Variants in TRPM3 observed in about 807,000 individuals in gnomAD.
TRPM3 encodes long transient receptor potential channel 3.
Under a neutral mutation model 181.2 loss-of-function variants are expected in TRPM3, and 77 were observed. The ratio of observed to expected loss-of-function variants is 0.42; its 90% CI spans 0.35 to 0.51. The LOEUF is 0.51. TRPM3 is among the 20% of genes least tolerant of loss of function. The probability of loss-of-function intolerance (pLI) is 0.01; values close to 1 mark genes in which losing one functional copy is unlikely to be tolerated. For missense variants in TRPM3, 1,759 were observed against 2,196.7 expected, an observed-to-expected ratio of 0.80 and a Z score of 3.98; for synonymous variants, 745 against 796.4, an observed-to-expected ratio of 0.94 and a Z score of 1.09.
intron 1 of TRPM3, among the ~76,000 whole-genome samples, chr9:71,373,402 G>A (rs2092581555): frequency 6.6e-6 from 1 of 151,638 alleles, no homozygotes; most frequent in Non-Finnish European, 1.5e-5. Context: ...AAGAACATGA[G>A]AGAGAAGAAT....
intron 1 of TRPM3, among the ~76,000 whole-genome samples, chr9:70,889,053 G>C (rs901239007): frequency 6.6e-6 from 1 of 152,120 alleles, no homozygotes; most frequent in Non-Finnish European, 1.5e-5. Context: ...ACTAGAGAAT[G>C]TTCAAAGCTC....
At chr9:71,267,239 C>T (rs547338830) in intron 1 of TRPM3, among the ~76,000 whole-genome samples, 2 of 152,244 alleles carry the variant, frequency 1.3e-5, no homozygotes, top group East Asian at 1.9e-4. Context: ...AGTTAACACC[C>T]ACCTCTACCA....
intron 1 of TRPM3, among the ~76,000 whole-genome samples, chr9:71,391,349 A>G (rs2093057532): frequency 6.6e-6 from 1 of 152,016 alleles, no homozygotes; most frequent in Admixed American, 6.6e-5. Context: ...AGTCCATGAT[A>G]ATACTCAAGC....
chr9:71,175,621 G>A (rs1333555577), intron 1 of TRPM3, among the ~76,000 whole-genome samples: 1 of 152,194 alleles, frequency 6.6e-6, no homozygotes, highest in Non-Finnish European at 1.5e-5. Context: ...ATTGATCAGA[G>A]CTAGTTTCCA....
intron 1 of TRPM3, among the ~76,000 whole-genome samples, chr9:71,387,028 C>T (rs190457113): frequency 9.2e-5 from 14 of 152,042 alleles, no homozygotes; most frequent in Non-Finnish European, 1.9e-4. Flanking sequence ...GGTTCTTACA[C>T]TTATTAGATA....
At chr9:70,542,743 G>A (rs1398662519) in intron 25 of TRPM3, among the ~76,000 whole-genome samples, 1 of 152,176 alleles carries the variant, frequency 6.6e-6, no homozygotes, top group African/African-American at 2.4e-5. Flanking sequence ...CTAAATTTCA[G>A]ACATTCCCTG....
chr9:71,169,858 G>A (rs543477285), intron 1 of TRPM3, among the ~76,000 whole-genome samples: 23 of 150,576 alleles, frequency 1.5e-4, no homozygotes, highest in Admixed American at 4.0e-4. Flanking sequence ...AAAATTAGCC[G>A]GGCATGGTGG....
At chr9:71,140,799 A>C (rs1461511057) in intron 1 of TRPM3, among the ~76,000 whole-genome samples, 1 of 152,186 alleles carries the variant, frequency 6.6e-6, no homozygotes, top group African/African-American at 2.4e-5. Flanking sequence ...CCATATAGTA[A>C]TATACTTTAT....
chr9:70,862,825 A>G, intron 3 of TRPM3, 83 bp downstream of exon 3: 1 of 1,426,520 alleles, frequency 7.0e-7, no homozygotes, highest in Non-Finnish European at 9.8e-7. Context: ...CCCAAAGACT[A>G]AATTTCATGC....
At chr9:70,619,923 A>T (rs1243630886) in intron 16 of TRPM3, among the ~76,000 whole-genome samples, 153 bp downstream of exon 16, 1 of 152,218 alleles carries the variant, frequency 6.6e-6, no homozygotes, top group African/African-American at 2.4e-5. Flanking sequence ...CACTGTGCAC[A>T]ATAAAGGGGA....
intron 1 of TRPM3, among the ~76,000 whole-genome samples, chr9:71,307,339 T>C (rs1007385306): frequency 1.3e-5 from 2 of 152,132 alleles, no homozygotes; most frequent in Admixed American, 6.5e-5. Flanking sequence ...TATAATTGCA[T>C]TTGAATTTTA....
intron 1 of TRPM3, among the ~76,000 whole-genome samples, chr9:71,185,905 T>C (rs1288433674): frequency 1.3e-5 from 2 of 152,068 alleles, no homozygotes; most frequent in Non-Finnish European, 2.9e-5. Context: ...GCAAACTGGG[T>C]GGCTTAAAAC....
chr9:70,621,231 GACAA>G lies in TRPM3; in HGVS notation c.1839+9_1839+12del, dbSNP rs1455613208. On this transcript the variant is annotated intron_variant, in intron 15 of 25. Transcript: ENST00000677713. Reference sequence around the variant, plus strand: ...ATAAATCATTGACACTAATAATTTGGACAAACACTTACCTCCATTCCCAGCAGTT... The same window carrying G: ...ATAAATCATTGACACTAATAATTTGGACACTTACCTCCATTCCCAGCAGTT... 6 of 1,585,306 alleles carry G rather than the reference GACAA, an allele frequency of 3.8e-6. No homozygotes were observed. The highest frequency in any genetic ancestry group is 3.4e-4 in the Middle Eastern group (2 of 5,960).
At chr9:70,558,921 C>T (rs565242916) in intron 22 of TRPM3, among the ~76,000 whole-genome samples, 3 of 152,240 alleles carry the variant, frequency 2.0e-5, no homozygotes, top group African/African-American at 7.2e-5. Context: ...GTTAACTATG[C>T]ATTAATAAGT....
At chr9:71,254,633 T>A (rs1375202379) in intron 1 of TRPM3, among the ~76,000 whole-genome samples, 4 of 152,286 alleles carry the variant, frequency 2.6e-5, no homozygotes, top group Admixed American at 2.6e-4. Context: ...AATGATTTTT[T>A]AAAAAAGAAA....
chr9:71,328,906 C>T (rs2089916296), intron 1 of TRPM3, among the ~76,000 whole-genome samples: 1 of 152,242 alleles, frequency 6.6e-6, no homozygotes, highest in Admixed American at 6.5e-5. Flanking sequence ...CAGAGGCTGA[C>T]ACCTTTTGTA....
At chr9:70,697,132 T>TGC (rs2070781211) in intron 8 of TRPM3, among the ~76,000 whole-genome samples, 1 of 152,198 alleles carries the variant, frequency 6.6e-6, no homozygotes, top group African/African-American at 2.4e-5. Context: ...CCAGTAGGTT[T>TGC]ACCCTGCAAA....
intron 6 of TRPM3, among the ~76,000 whole-genome samples, chr9:70,785,731 C>G (rs1421731360): frequency 6.6e-6 from 1 of 152,130 alleles, no homozygotes; most frequent in Middle Eastern, 3.2e-3. Context: ...AGCATAAATA[C>G]TTTAGTCTCC....
intron 9 of TRPM3, among the ~76,000 whole-genome samples, chr9:70,679,925 C>T (rs1275748640): frequency 6.6e-6 from 1 of 152,080 alleles, no homozygotes; most frequent in Non-Finnish European, 1.5e-5. Context: ...TGGTTCAGTT[C>T]ATGCCTGGTC....
Sources: gnomAD v4.1 joint callset for allele counts (sites outside exome capture counted in the v4.1 genomes callset) on GRCh38, gnomAD v4.1.1 for gene constraint, MANE v1.5 for transcripts, NCBI Gene and HGNC (gene_info 2026-07-23, HGNC 2026-07-21) for gene names.